The following DPP6 variants were observed in gnomAD, a reference collection of about 807,000 sequenced individuals.
The protein encoded by DPP6 is A-type potassium channel modulatory protein DPP6.
In DPP6, 69 loss-of-function variants were observed where a neutral mutation model predicts 122.6. The ratio of observed to expected loss-of-function variants is 0.56; its 90% CI spans 0.46 to 0.69. The LOEUF (loss-of-function observed/expected upper bound fraction) is 0.69, where lower values mean the gene tolerates loss of function less well. DPP6 is among the 30% of genes least tolerant of loss of function. The pLI, the probability that DPP6 is intolerant of heterozygous loss-of-function variation, is 0.00. For synonymous variants in DPP6, 418 were observed against 433.1 expected (o/e 0.97, Z 0.43); for missense variants, 928 against 1,116.9 (o/e 0.83, Z 2.41).
At chr7:154,201,032 C>T (rs1354177050) in intron 1 of DPP6, among the ~76,000 whole-genome samples, 2 of 152,148 alleles carry the variant, frequency 1.3e-5, no homozygotes, top group Admixed American at 6.6e-5. Flanking sequence ...GAACTTGTCT[C>T]GCTGAATATT....
At chr7:153,810,671 CCTCT>C in the DPP6 span, among the ~76,000 whole-genome samples, 6,267 of 124,482 alleles carry the variant, frequency 0.05, 171 homozygotes, top group Admixed American at 0.1. Context: ...CTCTCTCTCT[CCTCT>C]CTCTCTCTCT....
intron 1 of DPP6, among the ~76,000 whole-genome samples, chr7:154,021,163 C>G (rs1030552561): frequency 3.3e-5 from 5 of 152,172 alleles, no homozygotes; most frequent in Non-Finnish European, 7.3e-5. Context: ...ATTGCAGCAC[C>G]TTACCACTCA....
chr7:154,408,961 T>A (rs1337646898), intron 1 of DPP6, among the ~76,000 whole-genome samples: 1 of 152,008 alleles, frequency 6.6e-6, no homozygotes, highest in African/African-American at 2.4e-5. Flanking sequence ...ACCAACATGG[T>A]GAAACCACAT....
chr7:154,277,996 T>G (rs997660167), intron 1 of DPP6, among the ~76,000 whole-genome samples: 1 of 152,132 alleles, frequency 6.6e-6, no homozygotes, highest in Non-Finnish European at 1.5e-5. Flanking sequence ...CACACTCAAG[T>G]GAGGAAGGAC....
intron 1 of DPP6, among the ~76,000 whole-genome samples, chr7:154,358,713 T>C (rs7807092): frequency 0.87 from 132,943 of 152,232 alleles, 58,157 homozygotes; most frequent in East Asian, 0.94. Context: ...CAATATTTCT[T>C]CTTTTGTTTT....
chr7:154,488,205 C>T (rs773840715), intron 3 of DPP6, among the ~76,000 whole-genome samples: 3 of 152,028 alleles, frequency 2.0e-5, no homozygotes, highest in African/African-American at 4.8e-5. Flanking sequence ...GTGGGCGGGG[C>T]GGGACGCAGT....
chr7:154,532,031 C>A (rs953209992), intron 3 of DPP6, among the ~76,000 whole-genome samples: 3 of 151,964 alleles, frequency 2.0e-5, no homozygotes, highest in African/African-American at 7.2e-5. Flanking sequence ...AAATGATAAA[C>A]CCAAACCCAG....
At chr7:154,186,906 G>A (rs1160642114) in intron 1 of DPP6, among the ~76,000 whole-genome samples, 1 of 152,206 alleles carries the variant, frequency 6.6e-6, no homozygotes, top group Non-Finnish European at 1.5e-5. Context: ...CCTCTTAATG[G>A]AGGAGTGGCT....
At chr7:154,058,140 C>T (rs1167849923) in intron 1 of DPP6, 2 of 144,390 alleles carry the variant, frequency 1.4e-5, no homozygotes, top group Non-Finnish European at 3.0e-5. Flanking sequence ...CCCCCCCTGG[C>T]TCTTGGGACC....
At chr7:153,890,711 G>A (rs1584988814) in intron 1 of DPP6, among the ~76,000 whole-genome samples, 1 of 70,694 alleles carries the variant, frequency 1.4e-5, no homozygotes, top group Admixed American at 1.9e-4. Flanking sequence ...TTTTTTTTTG[G>A]AGACAGAGTC....
chr7:154,083,541 C>G (rs1804186046), intron 1 of DPP6, among the ~76,000 whole-genome samples: 1 of 150,634 alleles, frequency 6.6e-6, no homozygotes, highest in Non-Finnish European at 1.5e-5. Flanking sequence ...TTTTTTAATA[C>G]CCTAAGCCAC....
chr7:153,873,178 C>T, the DPP6 span, among the ~76,000 whole-genome samples: 19 of 152,144 alleles, frequency 1.2e-4, no homozygotes, highest in Non-Finnish European at 2.6e-4. Context: ...TTTTAACAAC[C>T]GGCTCCCATG....
chr7:154,841,636 A>G (rs1042725718), intron 16 of DPP6, among the ~76,000 whole-genome samples: 2 of 151,908 alleles, frequency 1.3e-5, no homozygotes, highest in African/African-American at 4.8e-5. Context: ...CAAAATGCCT[A>G]TCATGAGCCC....
chr7:154,638,960 T>C (rs1835896436), intron 6 of DPP6, among the ~76,000 whole-genome samples: 2 of 152,184 alleles, frequency 1.3e-5, no homozygotes, highest in Admixed American at 6.5e-5. Flanking sequence ...AGAAACTGAA[T>C]TGTGCTGCAG....
chr7:154,658,075 C>T (rs967038425), intron 6 of DPP6, among the ~76,000 whole-genome samples: 3 of 152,158 alleles, frequency 2.0e-5, no homozygotes, highest in Non-Finnish European at 4.4e-5. Context: ...TTTGGAGACC[C>T]AAAAGACGTC....
At chr7:153,921,390 C>T (rs147179579) in intron 1 of DPP6, among the ~76,000 whole-genome samples, 27 of 152,322 alleles carry the variant, frequency 1.8e-4, no homozygotes, top group African/African-American at 6.0e-4. Context: ...ATGATGTTAT[C>T]TTGTCACATT....
At chr7:154,722,813 C>A (rs1367696397) in intron 7 of DPP6, among the ~76,000 whole-genome samples, 1 of 152,066 alleles carries the variant, frequency 6.6e-6, no homozygotes, top group East Asian at 1.9e-4. Flanking sequence ...GCCAGCCATG[C>A]ACATGGTGGA....
intron 1 of DPP6, among the ~76,000 whole-genome samples, chr7:154,393,554 ATTTT>A (rs552425581): frequency 7.1e-6 from 1 of 141,492 alleles, no homozygotes; most frequent in African/African-American, 2.6e-5. Flanking sequence ...AGATTGTTCA[ATTTT>A]TTTTTTTTTT....
chr7:154,513,449 T>C (rs1281789675), intron 3 of DPP6, among the ~76,000 whole-genome samples: 1 of 152,188 alleles, frequency 6.6e-6, no homozygotes, highest in Middle Eastern at 3.2e-3. Context: ...CTTTTATTGG[T>C]GTGGGACAAA....
Sources: gnomAD v4.1 joint callset for allele counts (sites outside exome capture counted in the v4.1 genomes callset) on GRCh38, gnomAD v4.1.1 for gene constraint, MANE v1.5 for transcripts, NCBI Gene and HGNC (gene_info 2026-07-23, HGNC 2026-07-21) for gene names.